SGCD: variants seen among roughly 807,000 people sequenced by gnomAD.
SGCD encodes delta-sarcoglycan.
A neutral mutation model predicts 36.6 loss-of-function variants in SGCD; 18 were observed. The observed-to-expected ratio is 0.49, with a 90% CI of 0.34 to 0.73. The LOEUF is 0.73. Among genes scored for constraint, SGCD ranks in the 30% least tolerant of loss-of-function variants. SGCD has a pLI of 0.01. For missense variants in SGCD, 387 were observed against 346.7 expected (o/e 1.12, Z -0.92); for synonymous variants, 133 against 130.6 (o/e 1.02, Z -0.12).
At chr5:156,503,182 AC>A (rs964229458) in intron 3 of SGCD, among the ~76,000 whole-genome samples, 1 of 152,106 alleles carries the variant, frequency 6.6e-6, no homozygotes, top group South Asian at 2.1e-4. Context: ...TACCTCCTTC[AC>A]TGTTTTTATT....
intron 7 of SGCD, among the ~76,000 whole-genome samples, chr5:156,734,739 C>T (rs1414831300): frequency 1.3e-5 from 2 of 152,122 alleles, no homozygotes; most frequent in Non-Finnish European, 2.9e-5. Context: ...TCTATACTGG[C>T]TATTTTGGCT....
At chr5:156,103,305 G>A (rs1400999991) in intron 1 of SGCD, among the ~76,000 whole-genome samples, 1 of 151,930 alleles carries the variant, frequency 6.6e-6, no homozygotes, top group Non-Finnish European at 1.5e-5. Context: ...TCCTGATGCT[G>A]ACTAATGCTA....
the SGCD span, among the ~76,000 whole-genome samples, chr5:155,849,144 C>T: frequency 6.6e-6 from 1 of 152,096 alleles, no homozygotes; most frequent in Non-Finnish European, 1.5e-5. Flanking sequence ...TCAAGTTCTG[C>T]ACATTTAATT....
intron 3 of SGCD, among the ~76,000 whole-genome samples, chr5:156,282,498 C>T (rs1399294488): frequency 1.3e-5 from 2 of 152,114 alleles, no homozygotes; most frequent in Non-Finnish European, 2.9e-5. Context: ...TTATGGGTGA[C>T]CTGCTTAAAT....
At chr5:155,938,044 C>G (rs1012588182) in intron 1 of SGCD, among the ~76,000 whole-genome samples, 2 of 152,212 alleles carry the variant, frequency 1.3e-5, no homozygotes, top group Admixed American at 1.3e-4. Context: ...GGAACTGTCT[C>G]TGGTCACATA....
the SGCD span, among the ~76,000 whole-genome samples, chr5:155,728,984 C>T: frequency 6.6e-5 from 10 of 152,210 alleles, no homozygotes; most frequent in Admixed American, 1.3e-4. Flanking sequence ...AGCGTTTATA[C>T]CCAGGGGTGA....
In SGCD at chr5:156,607,915, G is replaced by A. The variant is rs567941741; in HGVS notation, c.502+12864G>A. ...TATCCCCTTTATCATTTTTTATTGC[G>A]TCTATTTGATTCTTCTCTTTTCTTC... On this transcript the variant is annotated intron_variant, in intron 6 of 8. Transcript: ENST00000337851. Among the ~76,000 whole-genome samples, 23 of 151,904 alleles carry A rather than the reference G, an allele frequency of 1.5e-4. No individual in the cohort carries two copies. The South Asian group carries it at 2.9e-3, about 19-fold the overall frequency.
chr5:156,372,478 A>G (rs1488745157), intron 3 of SGCD, among the ~76,000 whole-genome samples: 1 of 152,140 alleles, frequency 6.6e-6, no homozygotes, highest in African/African-American at 2.4e-5. Flanking sequence ...TTTCTCCAAG[A>G]AGTAGTCTTC....
At chr5:156,477,979 C>A (rs560985038) in intron 3 of SGCD, among the ~76,000 whole-genome samples, 136 of 152,028 alleles carry the variant, frequency 8.9e-4, no homozygotes, top group Non-Finnish European at 1.5e-3. Context: ...TGCAGGAAAT[C>A]ATAAAGAATG....
the SGCD span, among the ~76,000 whole-genome samples, chr5:155,728,275 G>T: frequency 6.6e-6 from 1 of 152,036 alleles, no homozygotes; most frequent in Non-Finnish European, 1.5e-5. Flanking sequence ...GGTGGCGGCC[G>T]CTGCTGCCGC....
intron 2 of SGCD, among the ~76,000 whole-genome samples, chr5:156,333,221 A>G (rs1433317736): frequency 6.6e-6 from 1 of 152,182 alleles, no homozygotes; most frequent in Non-Finnish European, 1.5e-5. Context: ...ATTTTATGAA[A>G]CTATTGAATC....
At chr5:155,964,497 C>G (rs1437639381) in intron 1 of SGCD, among the ~76,000 whole-genome samples, 1 of 151,984 alleles carries the variant, frequency 6.6e-6, no homozygotes, top group African/African-American at 2.4e-5. Context: ...CACCACCTTG[C>G]CTGGCTAATT....
chr5:155,993,597 A>T (rs1037316229), intron 1 of SGCD, among the ~76,000 whole-genome samples: 1 of 152,142 alleles, frequency 6.6e-6, no homozygotes, highest in Admixed American at 6.5e-5. Context: ...CACCCGCCTC[A>T]GCCTTCCAAA....
intron 6 of SGCD, among the ~76,000 whole-genome samples, chr5:156,631,053 G>T (rs1235287375): frequency 1.3e-5 from 2 of 152,184 alleles, no homozygotes; most frequent in Non-Finnish European, 2.9e-5. Context: ...GATATTCTGA[G>T]TCTTAATAGG....
intron 1 of SGCD, among the ~76,000 whole-genome samples, chr5:156,070,989 AT>A (rs1186129299): frequency 8.5e-5 from 13 of 152,122 alleles, no homozygotes; most frequent in African/African-American, 3.1e-4. Flanking sequence ...CCCCTTTATC[AT>A]TTTTTATTGC....
chr5:156,177,062 C>T (rs998090182), intron 3 of SGCD, among the ~76,000 whole-genome samples: 34 of 152,082 alleles, frequency 2.2e-4, no homozygotes, highest in African/African-American at 8.0e-4. Context: ...AGTGAGGTGA[C>T]GTGATCTCGG....
Position 156,246,054 on chromosome 5 carries a change from G to C in SGCD, c.-43-83480G>C, listed in dbSNP as rs11956406. Among the ~76,000 whole-genome samples the C allele has an allele frequency of 3.7e-3, 560 of 152,206 alleles. 3 individuals are homozygous for C. The highest frequency in any genetic ancestry group is 0.013 in the African/African-American group (530 of 41,534). ...TATTTACATATGATACATTTAAATG[G>C]TGGCTGCCTTTTCAACATGACAAAT... On this transcript the variant is annotated intron_variant, in intron 3 of 9. Transcript: ENST00000517913.
At chr5:156,537,474 C>CAA (rs1758165582) in intron 4 of SGCD, among the ~76,000 whole-genome samples, 1 of 145,804 alleles carries the variant, frequency 6.9e-6, no homozygotes, top group Non-Finnish European at 1.5e-5. Context: ...CACACACACA[C>CAA]ACACACACAC....
intron 3 of SGCD, among the ~76,000 whole-genome samples, chr5:156,202,321 A>G (rs942079745): frequency 1.3e-5 from 2 of 152,200 alleles, no homozygotes; most frequent in African/African-American, 4.8e-5. Context: ...ATACTTACTC[A>G]GTGAATGAAT....
Sources: gnomAD v4.1 joint callset for allele counts (sites outside exome capture counted in the v4.1 genomes callset) on GRCh38, gnomAD v4.1.1 for gene constraint, MANE v1.5 for transcripts, NCBI Gene and HGNC (gene_info 2026-07-23, HGNC 2026-07-21) for gene names.